The following ANO1 variants were observed in gnomAD, a reference collection of about 807,000 sequenced individuals.
ANO1 encodes anoctamin-1.
Under a neutral mutation model 124.0 loss-of-function variants are expected in ANO1, and 59 were observed. That is an observed-to-expected ratio of 0.48 (90% CI 0.39 to 0.59). The LOEUF (loss-of-function observed/expected upper bound fraction) is 0.59, where lower values mean the gene tolerates loss of function less well. Among genes scored for constraint, ANO1 ranks in the 20% least tolerant of loss-of-function variants. ANO1 has a pLI of 0.00. For missense variants in ANO1, 1,059 were observed against 1,328.0 expected (o/e 0.80, Z 3.15); for synonymous variants, 529 against 532.0 (o/e 0.99, Z 0.08).
rs1857397334 is a variant in ANO1, at chr11:70,054,171, T to G, written c.59-24371T>G. On this transcript the variant is annotated intron_variant, in intron 1 of 27. Coordinates refer to the ANO1 transcript ENST00000531349. ...CTCACCCCTCGTCACAGGTGTAAAG[T>G]CCATGGAGCTAAGGAAACTGCACAC... is the stretch of plus-strand genomic sequence containing the variant. 3.3e-5 allele frequency among the ~76,000 whole-genome samples: 5 copies of G among 152,042 alleles called. No individual in the cohort carries two copies. The South Asian group carries it at 1.0e-3, about 32-fold the overall frequency.
At chr11:70,012,218 C>A (rs1856609417) in intron 1 of ANO1, among the ~76,000 whole-genome samples, 1 of 151,636 alleles carries the variant, frequency 6.6e-6, no homozygotes, top group Non-Finnish European at 1.5e-5. Flanking sequence ...ATCCATCCAG[C>A]AATCTATCTA....
chr11:69,988,151 T>C (rs541157493), intron 1 of ANO1, among the ~76,000 whole-genome samples: 27 of 152,372 alleles, frequency 1.8e-4, no homozygotes, highest in Admixed American at 4.6e-4. Context: ...CCATGTCATT[T>C]ACACCTGGAG....
chr11:69,980,743 A>G, the ANO1 span, among the ~76,000 whole-genome samples: 1 of 151,912 alleles, frequency 6.6e-6, no homozygotes, highest in Non-Finnish European at 1.5e-5. Flanking sequence ...TGTCATGCAC[A>G]TTTTATCACA....
intron 1 of ANO1, among the ~76,000 whole-genome samples, chr11:70,009,966 C>T (rs1455003130): frequency 6.6e-6 from 1 of 151,866 alleles, no homozygotes; most frequent in African/African-American, 2.4e-5. Context: ...TGATGTCATT[C>T]CTATGCCTTT....
At chr11:70,017,434 C>A (rs567065405) in intron 1 of ANO1, among the ~76,000 whole-genome samples, 1 of 151,154 alleles carries the variant, frequency 6.6e-6, no homozygotes, top group African/African-American at 2.4e-5. Flanking sequence ...TTCTTCCTTC[C>A]TTCCTTCCTT....
rs181076979 is a variant in ANO1, at chr11:70,023,454, A to G, written c.58+37288A>G. Among the ~76,000 whole-genome samples, 102 of 152,344 alleles carry G rather than the reference A, an allele frequency of 6.7e-4. No homozygotes were observed. The East Asian group carries it at 0.016, about 23-fold the overall frequency. ...TAGATGCCAACACAATGAATGTCCA[A>G]CAGTGCAGAATATAGCCTTCCCCAA... On this transcript the variant is annotated intron_variant, in intron 1 of 27. Coordinates refer to the ANO1 transcript ENST00000531349.
At chr11:70,157,243 T>C (rs769605798) in intron 16 of ANO1, among the ~76,000 whole-genome samples, 21 of 151,738 alleles carry the variant, frequency 1.4e-4, no homozygotes, top group Non-Finnish European at 2.6e-4. Flanking sequence ...GGTGCATGCC[T>C]GTAGTCCCAG....
chr11:70,022,120 G>A (rs890816929), intron 1 of ANO1, among the ~76,000 whole-genome samples: 8 of 152,176 alleles, frequency 5.3e-5, no homozygotes, highest in Middle Eastern at 3.4e-3. Context: ...AATGCTTTCC[G>A]AGACAGGCCC....
intron 1 of ANO1, among the ~76,000 whole-genome samples, chr11:70,048,474 G>T (rs1458885559): frequency 6.6e-6 from 1 of 152,038 alleles, no homozygotes; most frequent in Non-Finnish European, 1.5e-5. Context: ...TAGGCAATGG[G>T]GGGGTGGTGT....
At chr11:70,048,134 A>G (rs913581300) in intron 1 of ANO1, among the ~76,000 whole-genome samples, 14 of 152,366 alleles carry the variant, frequency 9.2e-5, no homozygotes, top group South Asian at 4.1e-4. Flanking sequence ...CACTCAAAGT[A>G]AAACAAAATA....
chr11:70,106,143 CG>C (rs2045533174), intron 5 of ANO1, among the ~76,000 whole-genome samples: 1 of 152,080 alleles, frequency 6.6e-6, no homozygotes, highest in Non-Finnish European at 1.5e-5. Flanking sequence ...GGCCACGATT[CG>C]GGGCTTTCAG....
intron 1 of ANO1, among the ~76,000 whole-genome samples, chr11:70,007,903 G>A (rs1476860868): frequency 2.0e-5 from 3 of 152,206 alleles, no homozygotes; most frequent in Non-Finnish European, 2.9e-5. Context: ...TCATCCAAAC[G>A]TGTTATTTTA....
intron 1 of ANO1, among the ~76,000 whole-genome samples, chr11:70,031,214 G>C (rs1856995432): frequency 6.6e-6 from 1 of 152,168 alleles, no homozygotes; most frequent in Non-Finnish European, 1.5e-5. Flanking sequence ...CCAAGTGCTG[G>C]AATGACAGGT....
At position 70,088,003 on chromosome 11, in the gene ANO1, CG is replaced by C; in HGVS notation, c.361del (p.Glu121ArgfsTer36). On this transcript the variant is annotated frameshift_variant, in exon 2 of 26. Coordinates refer to ENST00000355303, the MANE Select transcript of ANO1 (RefSeq NM_018043.7). LOFTEE classifies it high-confidence loss of function. ...CGGGGGAGCCCCCGATGGACTACCA[CG>C]AGGATGACAAGCGCTTCCGCAGGGA... is the stretch of plus-strand genomic sequence containing the variant. ...GSGEPPMDYHEDDKRFRREEY... is the reference protein window; with the variant it reads ...GSGEPPMDYHXDDKRFRREEY... 1 of 1,552,046 alleles carries C rather than the reference CG, an allele frequency of 6.4e-7. No individual in the cohort carries two copies. Among genetic ancestry groups the C allele is most frequent in the Non-Finnish European group, 8.7e-7 (1 of 1,148,376 alleles).
intron 1 of ANO1, among the ~76,000 whole-genome samples, chr11:70,024,826 G>T (rs1438051025): frequency 7.4e-6 from 1 of 134,988 alleles, no homozygotes; most frequent in Non-Finnish European, 1.7e-5. Context: ...GAGGACCTGG[G>T]CCTAGCAGGG....
chr11:70,003,856 T>C (rs11236280), intron 1 of ANO1, among the ~76,000 whole-genome samples: 73,996 of 151,930 alleles, frequency 0.49, 19,290 homozygotes, highest in East Asian at 0.89. Flanking sequence ...GATGGCTACC[T>C]GTGGACACCC....
intron 10 of ANO1, among the ~76,000 whole-genome samples, chr11:70,129,058 G>A (rs2515270): frequency 0.12 from 17,623 of 152,228 alleles, 1,169 homozygotes; most frequent in African/African-American, 0.17. Flanking sequence ...AGGGGCTCGC[G>A]TTGTGCCCAA....
the ANO1 span, among the ~76,000 whole-genome samples, chr11:69,973,361 G>A: frequency 6.6e-6 from 1 of 152,178 alleles, no homozygotes; most frequent in South Asian, 2.1e-4. Context: ...TGTATCCTCA[G>A]CACTTCGACC....
At chr11:70,101,751 G>A (rs2045286369) in intron 2 of ANO1, among the ~76,000 whole-genome samples, 1 of 152,108 alleles carries the variant, frequency 6.6e-6, no homozygotes, top group Non-Finnish European at 1.5e-5. Context: ...GGAGGGGATG[G>A]ATGAGGTCCC....
Sources: allele counts gnomAD v4.1 joint callset (sites outside exome capture counted in the v4.1 genomes callset), GRCh38; gene constraint gnomAD v4.1.1; transcripts MANE v1.5; gene names NCBI Gene and HGNC (gene_info 2026-07-23, HGNC 2026-07-21).